DMXL1: variants seen among roughly 807,000 people sequenced by gnomAD.
The protein encoded by DMXL1 is dmX-like protein 1.
A neutral mutation model predicts 319.2 loss-of-function variants in DMXL1; 99 were observed. That is an observed-to-expected ratio of 0.31 (90% confidence interval 0.26 to 0.37). The LOEUF (loss-of-function observed/expected upper bound fraction) is 0.37. Among genes scored for constraint, DMXL1 ranks in the 10% least tolerant of loss-of-function variants. The probability of loss-of-function intolerance (pLI) is 1.00; values close to 1 mark genes in which losing one functional copy is unlikely to be tolerated. For synonymous variants in DMXL1, 1,385 were observed against 1,235.2 expected (o/e 1.12, Z -2.54); for missense variants, 3,745 against 3,595.6 (o/e 1.04, Z -1.06).
At chr5:119,095,904 C>G (rs1431233638) in intron 1 of DMXL1, among the ~76,000 whole-genome samples, 1 of 152,040 alleles carries the variant, frequency 6.6e-6, no homozygotes, top group African/African-American at 2.4e-5. Context: ...ATTGATTATT[C>G]TTTCTAATTT....
At chr5:119,222,693 A>G (rs966749582) in intron 37 of DMXL1, among the ~76,000 whole-genome samples, 1 of 152,138 alleles carries the variant, frequency 6.6e-6, no homozygotes, top group Non-Finnish European at 1.5e-5. Context: ...AAAATTTCAG[A>G]TTTCCCAATA....
At chr5:119,117,123 G>T (rs1761019320) in intron 7 of DMXL1, among the ~76,000 whole-genome samples, 1 of 152,060 alleles carries the variant, frequency 6.6e-6, no homozygotes, top group African/African-American at 2.4e-5. Flanking sequence ...CTACCTCCTG[G>T]GCTCAAGTGA....
At chr5:119,167,350 T>G (rs1440766971) in intron 22 of DMXL1, among the ~76,000 whole-genome samples, 1 of 152,100 alleles carries the variant, frequency 6.6e-6, no homozygotes, top group Non-Finnish European at 1.5e-5. Flanking sequence ...TATCCATTGT[T>G]TCCTCATTTA....
chr5:119,168,428 T>G (rs748007432), intron 23 of DMXL1, among the ~76,000 whole-genome samples: 17 of 152,234 alleles, frequency 1.1e-4, no homozygotes, highest in Non-Finnish European at 4.4e-5. Flanking sequence ...AAAATGAGAT[T>G]TACTTTTCAG....
intron 34 of DMXL1, 62 bp downstream of exon 34, chr5:119,206,958 T>G: frequency 9.9e-7 from 1 of 1,010,190 alleles, no homozygotes; most frequent in Non-Finnish European, 1.5e-6. Flanking sequence ...ACAAAGCATT[T>G]GCATTTTACT....
At chr5:119,163,896 G>A (rs921958603) in intron 19 of DMXL1, among the ~76,000 whole-genome samples, 2 of 151,986 alleles carry the variant, frequency 1.3e-5, no homozygotes, top group African/African-American at 4.8e-5. Flanking sequence ...TTTTTGAGTA[G>A]AGACAGGGTT....
At chr5:119,094,370 G>A (rs756918592) in intron 1 of DMXL1, among the ~76,000 whole-genome samples, 18 of 152,142 alleles carry the variant, frequency 1.2e-4, no homozygotes, top group African/African-American at 4.3e-4. Flanking sequence ...AACAAAGCCC[G>A]GATGACAGCA....
chr5:119,209,931 A>G (rs766049881), intron 34 of DMXL1, among the ~76,000 whole-genome samples: 3 of 152,096 alleles, frequency 2.0e-5, no homozygotes, highest in Non-Finnish European at 4.4e-5. Context: ...CTCTTACTCT[A>G]TGGCTTGTCT....
chr5:119,218,240 A>G (rs1581389299), intron 35 of DMXL1, among the ~76,000 whole-genome samples: 1 of 151,998 alleles, frequency 6.6e-6, no homozygotes, highest in Non-Finnish European at 1.5e-5. Context: ...TACCTGCATT[A>G]CCTGCTCTTT....
At chr5:119,132,536 C>T (rs10062007) in intron 10 of DMXL1, 4,880 of 251,788 alleles carry the variant, frequency 0.019, 88 homozygotes, top group African/African-American at 0.05. Flanking sequence ...AAAAATTAGC[C>T]GGGCGCAGTG....
At chr5:119,182,841 T>C (rs1243570527) in intron 28 of DMXL1, among the ~76,000 whole-genome samples, 1 of 152,188 alleles carries the variant, frequency 6.6e-6, no homozygotes, top group East Asian at 1.9e-4. Flanking sequence ...TTATGGTCAA[T>C]TTTAAAGAAG....
chr5:119,228,970 T>C (rs1315886393), intron 38 of DMXL1, among the ~76,000 whole-genome samples: 1 of 151,910 alleles, frequency 6.6e-6, no homozygotes, highest in Non-Finnish European at 1.5e-5. Flanking sequence ...CATTAGGTCT[T>C]AGGTAATCAA....
chr5:119,071,113 C>T lies in DMXL1; in HGVS notation c.-457C>T, dbSNP rs570610106. 225 of 185,722 alleles carry T rather than the reference C, an allele frequency of 1.2e-3. 1 individual carries two copies. In the Admixed American group the frequency reaches 0.012, roughly 10 times the overall value. The allele number at this position is 185,722 out of a possible 1,614,324, so 11.5% of individuals were successfully genotyped here. On this transcript the variant is annotated 5_prime_UTR_variant, in exon 1 of 44. Coordinates refer to ENST00000539542, the MANE Select transcript of DMXL1 (RefSeq NM_001290321.3). ...GAGGCGCGTAGTGAGTGGCGGAGGACTGTGGGGGTGGCGGGCACCGGAGCC... is the reference window on the plus strand; with the variant it reads ...GAGGCGCGTAGTGAGTGGCGGAGGATTGTGGGGGTGGCGGGCACCGGAGCC...
chr5:119,224,347 T>A (rs1785163649), intron 37 of DMXL1, among the ~76,000 whole-genome samples: 1 of 152,126 alleles, frequency 6.6e-6, no homozygotes, highest in South Asian at 2.1e-4. Context: ...TTTTTAAATT[T>A]ATTTAATTTT....
intron 15 of DMXL1, among the ~76,000 whole-genome samples, chr5:119,146,636 T>C (rs1768606818): frequency 6.6e-6 from 1 of 152,028 alleles, no homozygotes; most frequent in Admixed American, 6.6e-5. Context: ...ATAGCATACA[T>C]ATTATTGTAA....
At position 119,150,076 on chromosome 5, in the gene DMXL1, G is replaced by C; in HGVS notation, c.4249G>C (p.Asp1417His). 1 of 1,613,784 alleles carries C rather than the reference G, an allele frequency of 6.2e-7. No homozygotes were observed. Among genetic ancestry groups the C allele is most frequent in the Non-Finnish European group, 8.5e-7 (1 of 1,179,866 alleles). Residue 1417 changes from aspartate (D) to histidine (H), a missense_variant, in exon 18 of 44, where the codon GAT (aspartate) becomes CAT (histidine). Physicochemically the swap from Asp to His is moderately conservative, Grantham distance 81. Around this residue, in one of 4 missense-constraint regions of DMXL1, gnomAD observed 2,096 missense variants for 1,985.4 expected, o/e 1.06. Coordinates refer to ENST00000539542, the MANE Select transcript of DMXL1 (RefSeq NM_001290321.3). ...ATATGCCTTACTTGCAGCAGATGAT[G>C]ATAGCTGTTACTCATCTTTGGAGAA... ...PLYALLAADD[D>H]SCYSSLEKSS...
At chr5:119,142,688 A>C (rs1049590858) in intron 13 of DMXL1, among the ~76,000 whole-genome samples, 1 of 152,200 alleles carries the variant, frequency 6.6e-6, no homozygotes, top group African/African-American at 2.4e-5. Context: ...ATTACTGGCT[A>C]TGTACCTAGA....
chr5:119,090,451 C>G (rs1754505540), intron 1 of DMXL1, among the ~76,000 whole-genome samples: 1 of 151,260 alleles, frequency 6.6e-6, no homozygotes, highest in Non-Finnish European at 1.5e-5. Context: ...TCTACTTTCT[C>G]TTGTTCAAAT....
intron 43 of DMXL1, 97 bp downstream of exon 43, chr5:119,244,673 T>A: frequency 1.2e-6 from 1 of 801,978 alleles, no homozygotes; most frequent in Non-Finnish European, 2.0e-6. Flanking sequence ...TAAATAATAG[T>A]TATATTAATT....
Sources: allele counts gnomAD v4.1 joint callset (sites outside exome capture counted in the v4.1 genomes callset), GRCh38; gene constraint gnomAD v4.1.1; regional missense constraint gnomAD v4.1.1; transcripts MANE v1.5; gene names NCBI Gene and HGNC (gene_info 2026-07-23, HGNC 2026-07-21).